PMM2: variants seen among roughly 807,000 people sequenced by gnomAD.
The protein encoded by PMM2 is phosphomannomutase 2.
Under a neutral mutation model 33.2 loss-of-function variants are expected in PMM2, and 35 were observed. The ratio of observed to expected loss-of-function variants is 1.06; its 90% CI spans 0.81 to 1.40. The LOEUF (loss-of-function observed/expected upper bound fraction) is 1.40. Among genes scored for constraint, PMM2 ranks in the 40% most tolerant of loss-of-function variants. The pLI is 0.00. For missense variants in PMM2, 386 were observed against 306.0 expected (o/e 1.26, Z -1.95); for synonymous variants, 153 against 114.7 (o/e 1.33, Z -2.13).
chr16:8,833,846 T>C (rs2060826826), intron 7 of PMM2, among the ~76,000 whole-genome samples: 1 of 152,168 alleles, frequency 6.6e-6, no homozygotes, highest in Non-Finnish European at 1.5e-5. Context: ...AGCATAGTCC[T>C]GCCAGCAAAG....
At chr16:8,800,463 T>G (rs1485829857) in intron 1 of PMM2, among the ~76,000 whole-genome samples, 5 of 152,158 alleles carry the variant, frequency 3.3e-5, no homozygotes, top group African/African-American at 7.2e-5. Context: ...TGTCTTAATG[T>G]AGGGCTATTT....
intron 7 of PMM2, among the ~76,000 whole-genome samples, chr16:8,839,963 C>T (rs1596504643): frequency 6.7e-6 from 1 of 149,504 alleles, no homozygotes; most frequent in East Asian, 2.0e-4. Context: ...CTTGCTGGAC[C>T]TGTCTAGAAA....
chr16:8,838,106 T>C (rs183291551), intron 7 of PMM2, among the ~76,000 whole-genome samples: 6 of 152,170 alleles, frequency 3.9e-5, no homozygotes, highest in Admixed American at 1.3e-4. Flanking sequence ...TTAGTTCTTA[T>C]GGGTTTTGGG....
intron 7 of PMM2, among the ~76,000 whole-genome samples, chr16:8,841,254 C>G (rs201123936): frequency 7.1e-6 from 1 of 141,516 alleles, no homozygotes; most frequent in East Asian, 2.1e-4. Context: ...AAGGCTGGTC[C>G]GTTATCAGAC....
intron 1 of PMM2, among the ~76,000 whole-genome samples, chr16:8,798,766 C>G (rs1005799702): frequency 6.6e-6 from 1 of 152,190 alleles, no homozygotes; most frequent in African/African-American, 2.4e-5. Flanking sequence ...AAATTGGCCA[C>G]TGAACACTGG....
At chr16:8,813,153 G>GATGGGGGAA in intron 7 of PMM2, 47 bp downstream of exon 7, 1 of 1,198,590 alleles carries the variant, frequency 8.3e-7, no homozygotes, top group Non-Finnish European at 1.2e-6. Flanking sequence ...ATTTGCGCTT[G>GATGGGGGAA]ATGGGGGAAA....
chr16:8,836,223 C>G (rs943701127), intron 7 of PMM2, among the ~76,000 whole-genome samples: 1 of 151,748 alleles, frequency 6.6e-6, no homozygotes, highest in East Asian at 1.9e-4. Context: ...GAGAGTTACC[C>G]GATGCTCGGC....
chr16:8,845,061 A>G (rs903076934), intron 7 of PMM2, among the ~76,000 whole-genome samples: 19 of 152,328 alleles, frequency 1.2e-4, no homozygotes, highest in Admixed American at 1.1e-3. Flanking sequence ...ACCACCAAAC[A>G]GGCTTTGTGT....
At chr16:8,831,889 A>G (rs1431611375) in intron 7 of PMM2, among the ~76,000 whole-genome samples, 1 of 152,156 alleles carries the variant, frequency 6.6e-6, no homozygotes, top group Non-Finnish European at 1.5e-5. Flanking sequence ...GTACACTATA[A>G]TGAGAAATTG....
At position 8,811,091 on chromosome 16, in the gene PMM2, T is replaced by G; in HGVS notation, c.360T>G (p.Ile120Met). The change falls in exon 5 of 8, where the codon ATT becomes ATG. Residue 120 changes from isoleucine (I) to methionine (M), a missense_variant. Physicochemically the swap from Ile to Met is conservative, Grantham distance 10. Coordinates refer to ENST00000268261, the MANE Select transcript of PMM2 (RefSeq NM_000303.3). ...CTTTCATTCCCAGGGGTACTTTCATTGAATTCCGAAATGGGATGTTAAACG... is the reference window on the plus strand; with the variant it reads ...CTTTCATTCCCAGGGGTACTTTCATGGAATTCCGAAATGGGATGTTAAACG... ...IKLPKKRGTF[I>M]EFRNGMLNVS... The G allele has an allele frequency of 5.1e-6, 8 of 1,565,768 alleles. No homozygotes were observed. The highest frequency in any genetic ancestry group is 7.0e-6 in the Non-Finnish European group (8 of 1,150,978).
At chr16:8,824,722 T>C (rs527490113) in intron 7 of PMM2, among the ~76,000 whole-genome samples, 5 of 152,140 alleles carry the variant, frequency 3.3e-5, no homozygotes, top group Admixed American at 3.3e-4. Context: ...TTTGAAACAC[T>C]AGATATCACA....
chr16:8,820,725 C>G (rs933817921), intron 7 of PMM2, among the ~76,000 whole-genome samples: 1 of 152,200 alleles, frequency 6.6e-6, no homozygotes, highest in Non-Finnish European at 1.5e-5. Flanking sequence ...GACGCAGGGC[C>G]TGACTCAGGA....
At chr16:8,836,711 T>C (rs1310854942) in intron 7 of PMM2, among the ~76,000 whole-genome samples, 3 of 152,026 alleles carry the variant, frequency 2.0e-5, no homozygotes, top group Non-Finnish European at 4.4e-5. Context: ...GCAGATTGGG[T>C]AATAAAATGT....
intron 6 of PMM2, among the ~76,000 whole-genome samples, chr16:8,812,343 C>A (rs1307207065): frequency 6.6e-6 from 1 of 152,194 alleles, no homozygotes; most frequent in African/African-American, 2.4e-5. Context: ...ATGCTTTGCA[C>A]ACCGATTTCT....
At position 8,832,341 on chromosome 16, in the gene PMM2, G is replaced by A. The variant is rs1039583959; in HGVS notation, c.640-15383G>A. ...AACCCAGAGAGGCTCCTGCAGCCAG[G>A]GTCGGGAGGATTTCACCTTCCTGGA... On this transcript the variant is annotated intron_variant, in intron 7 of 7. Coordinates refer to ENST00000268261, the MANE Select transcript of PMM2 (RefSeq NM_000303.3). 10 of 985,296 alleles carry A rather than the reference G, an allele frequency of 1.0e-5. No individual in the cohort carries two copies. The South Asian group carries it at 4.2e-4, about 42-fold the overall frequency. 61.0% of individuals were successfully genotyped at this position (985,296 alleles called of 1,614,324 possible). A position where few individuals can be genotyped will look rare whatever the true frequency, so the allele number is the denominator to read the frequency against.
chr16:8,830,228 G>A (rs1277357439), intron 7 of PMM2, among the ~76,000 whole-genome samples: 3 of 152,186 alleles, frequency 2.0e-5, no homozygotes, highest in Non-Finnish European at 4.4e-5. Context: ...GGTTGGGGAG[G>A]CTACTGAATC....
chr16:8,847,449 C>G (rs930592207), intron 7 of PMM2, among the ~76,000 whole-genome samples: 1 of 150,800 alleles, frequency 6.6e-6, no homozygotes, highest in Non-Finnish European at 1.5e-5. Context: ...GAAAAATAAG[C>G]CTTAGACAGA....
chr16:8,799,476 A>C (rs1188962376), intron 1 of PMM2, among the ~76,000 whole-genome samples: 1 of 152,210 alleles, frequency 6.6e-6, no homozygotes, highest in Admixed American at 6.5e-5. Flanking sequence ...ATCTGTGCTA[A>C]GGTGGAAGCT....
At chr16:8,806,713 A>G in intron 4 of PMM2, 3 of 435,642 alleles carry the variant, frequency 6.9e-6, no homozygotes, top group South Asian at 6.5e-5. Flanking sequence ...AACAGTCCAC[A>G]AAGCCAACAG....
Sources: gnomAD v4.1 joint callset for allele counts (sites outside exome capture counted in the v4.1 genomes callset) on GRCh38, gnomAD v4.1.1 for gene constraint, MANE v1.5 for transcripts, NCBI Gene and HGNC (gene_info 2026-07-23, HGNC 2026-07-21) for gene names.